The following SOBP variants were observed in gnomAD, a reference collection of about 807,000 sequenced individuals.
The protein encoded by SOBP is sine oculis-binding protein homolog.
In SOBP, 4 loss-of-function variants were observed where a neutral mutation model predicts 53.6. The ratio of observed to expected loss-of-function variants is 0.07; its 90% CI spans 0.04 to 0.17. The LOEUF is 0.17. Ranked by LOEUF, SOBP falls within the 10% of genes least tolerant of loss-of-function variation. The pLI is 1.00. For missense variants in SOBP, 1,088 were observed against 1,204.7 expected, an observed-to-expected ratio of 0.90 and a Z score of 1.43; for synonymous variants, 584 against 522.6, an observed-to-expected ratio of 1.12 and a Z score of -1.60.
intron 5 of SOBP, among the ~76,000 whole-genome samples, chr6:107,619,845 C>T (rs554686603): frequency 1.3e-5 from 2 of 152,244 alleles, no homozygotes; most frequent in East Asian, 3.9e-4. Flanking sequence ...TAGCAAGATA[C>T]AGGGTCATTA....
intron 4 of SOBP, among the ~76,000 whole-genome samples, chr6:107,545,653 ATC>A (rs574210935): frequency 8.3e-4 from 126 of 152,218 alleles, no homozygotes; most frequent in Non-Finnish European, 1.3e-3. Flanking sequence ...AGGTATCTGA[ATC>A]TCTCTTCAGA....
At chr6:107,595,000 G>A (rs996956905) in intron 5 of SOBP, among the ~76,000 whole-genome samples, 7 of 152,124 alleles carry the variant, frequency 4.6e-5, no homozygotes, top group Non-Finnish European at 1.0e-4. Context: ...TACATTCCAG[G>A]GCCAGAGAAG....
At chr6:107,572,388 C>T (rs1473266400) in intron 4 of SOBP, among the ~76,000 whole-genome samples, 1 of 151,474 alleles carries the variant, frequency 6.6e-6, no homozygotes, top group African/African-American at 2.4e-5. Context: ...ACTGCAGCCT[C>T]TGCCTCCTGG....
intron 5 of SOBP, among the ~76,000 whole-genome samples, chr6:107,605,525 A>G (rs574651849): frequency 6.6e-6 from 1 of 152,364 alleles, no homozygotes; most frequent in South Asian, 2.1e-4. Flanking sequence ...CAGCTGATCC[A>G]GTTTACCAAC....
intron 6 of SOBP, among the ~76,000 whole-genome samples, chr6:107,639,189 C>T (rs182006057): frequency 1.9e-4 from 29 of 152,234 alleles, no homozygotes; most frequent in African/African-American, 6.3e-4. Context: ...AGGTGTGAGC[C>T]GCCGCTCCCA....
At chr6:107,562,087 G>A (rs534339955) in intron 4 of SOBP, among the ~76,000 whole-genome samples, 4 of 148,260 alleles carry the variant, frequency 2.7e-5, no homozygotes, top group Admixed American at 6.8e-5. Flanking sequence ...CTGGAGTGCA[G>A]TGGTGCAATC....
intron 1 of SOBP, among the ~76,000 whole-genome samples, chr6:107,498,753 C>T (rs1272859743): frequency 1.3e-5 from 2 of 152,162 alleles, no homozygotes; most frequent in African/African-American, 2.4e-5. Context: ...TTAGTTTCCA[C>T]CTATCTTTCT....
At chr6:107,616,084 T>TGGGGGGGGGGGGGGGGGGGG (rs576223347) in intron 5 of SOBP, among the ~76,000 whole-genome samples, 1 of 62,566 alleles carries the variant, frequency 1.6e-5, no homozygotes, top group Admixed American at 1.6e-4. Flanking sequence ...GGAAGGGGGG[T>TGGGGGGGGGGGGGGGGGGGG]GGGGGGGGGG....
rs375965540 is a variant in SOBP at position 107,562,719 on chromosome 6, C to T, written c.574-24361C>T. On this transcript the variant is annotated intron_variant, in intron 4 of 6. Coordinates refer to ENST00000317357, the MANE Select transcript of SOBP (RefSeq NM_018013.4). Reference sequence around the variant, plus strand: ...GAGATCCCTTGAGGAAGGGACTGAACATTGTGAGATGGGTAACCTGAGGGA... The same window carrying T: ...GAGATCCCTTGAGGAAGGGACTGAATATTGTGAGATGGGTAACCTGAGGGA... Among the ~76,000 whole-genome samples the T allele has an allele frequency of 4.6e-5, 7 of 152,138 alleles. No homozygotes were observed. The East Asian group carries it at 1.2e-3, about 25-fold the overall frequency.
rs1275601547 is a variant in SOBP, at chr6:107,490,388, C to G, written c.-229C>G. ...CGACGGCGGCGGCATCCCCGAGACT[C>G]TCCGCACTATCCTTACCCGTGACAG... On this transcript the variant is annotated 5_prime_UTR_variant, in exon 1 of 7. Coordinates refer to ENST00000317357, the MANE Select transcript of SOBP (RefSeq NM_018013.4). The G allele has an allele frequency of 2.8e-6, 1 of 358,940 alleles. No homozygotes were observed. Among genetic ancestry groups the G allele is most frequent in the Non-Finnish European group, 5.1e-6 (1 of 195,424 alleles). 22.2% of individuals were successfully genotyped at this position (358,940 alleles called of 1,614,324 possible).
chr6:107,545,695 G>C (rs1784281195), intron 4 of SOBP, among the ~76,000 whole-genome samples: 2 of 151,842 alleles, frequency 1.3e-5, no homozygotes, highest in Admixed American at 6.6e-5. Flanking sequence ...CCCTTATAAG[G>C]CTAGCTACAC....
At chr6:107,569,277 T>C (rs1420879760) in intron 4 of SOBP, among the ~76,000 whole-genome samples, 5 of 152,114 alleles carry the variant, frequency 3.3e-5, no homozygotes, top group African/African-American at 1.2e-4. Context: ...AAAATAACAA[T>C]TTCATCACTA....
chr6:107,564,117 T>C (rs546916753), intron 4 of SOBP, among the ~76,000 whole-genome samples: 1 of 152,320 alleles, frequency 6.6e-6, no homozygotes, highest in African/African-American at 2.4e-5. Flanking sequence ...AATGTGACAA[T>C]GCACACCCAA....
intron 5 of SOBP, among the ~76,000 whole-genome samples, chr6:107,627,777 T>C (rs959697120): frequency 2.0e-5 from 3 of 152,248 alleles, no homozygotes; most frequent in Admixed American, 1.3e-4. Flanking sequence ...TAAGAGCCCT[T>C]CCTGTTTCTA....
intron 4 of SOBP, among the ~76,000 whole-genome samples, chr6:107,542,398 C>T (rs778606325): frequency 9.2e-5 from 14 of 151,990 alleles, no homozygotes; most frequent in Admixed American, 2.0e-4. Flanking sequence ...ATGTCTGGAG[C>T]GGAATGATCA....
intron 4 of SOBP, among the ~76,000 whole-genome samples, chr6:107,577,407 A>G (rs544579651): frequency 4.6e-5 from 7 of 152,326 alleles, no homozygotes; most frequent in South Asian, 4.1e-4. Context: ...CCCCAAAACA[A>G]TCACCACAAG....
intron 4 of SOBP, among the ~76,000 whole-genome samples, chr6:107,557,295 CTGAT>C (rs1562612363): frequency 6.6e-6 from 1 of 152,090 alleles, no homozygotes; most frequent in African/African-American, 2.4e-5. Flanking sequence ...GTGAATACCT[CTGAT>C]AGAAGTGATT....
intron 6 of SOBP, among the ~76,000 whole-genome samples, chr6:107,644,756 A>G (rs1183121816): frequency 6.6e-6 from 1 of 152,210 alleles, no homozygotes; most frequent in Non-Finnish European, 1.5e-5. Context: ...AGTCAGAAAC[A>G]CATAGATCAA....
At position 107,660,167 on chromosome 6, in the gene SOBP, CATT is replaced by C. The variant is rs1011056982; in HGVS notation, c.*1970_*1972del. 1 of 152,278 alleles carries C rather than the reference CATT, an allele frequency of 6.6e-6. No homozygotes were observed. Among genetic ancestry groups the C allele is most frequent in the African/African-American group, 2.4e-5 (1 of 41,348 alleles). The allele number at this position is 152,278 out of a possible 1,614,324, so 9.4% of individuals were successfully genotyped here. ...TTACATGTGCTTATTTGGCTTTTCTCATTATTATGACTACTGTTTTTTTTTGTT... is the reference window on the plus strand; with the variant it reads ...TTACATGTGCTTATTTGGCTTTTCTCATTATGACTACTGTTTTTTTTTGTT... On this transcript the variant is annotated 3_prime_UTR_variant, in exon 7 of 7. Transcript: ENST00000317357.
Sources: allele counts gnomAD v4.1 joint callset (sites outside exome capture counted in the v4.1 genomes callset), GRCh38; gene constraint gnomAD v4.1.1; transcripts MANE v1.5; gene names NCBI Gene and HGNC (gene_info 2026-07-23, HGNC 2026-07-21).